The following CSMD3 variants were observed in gnomAD, a reference collection of about 807,000 sequenced individuals.
CSMD3 encodes CUB and Sushi multiple domains 3.
A neutral mutation model predicts 435.2 loss-of-function variants in CSMD3; 177 were observed. That is an observed-to-expected ratio of 0.41 (90% CI 0.36 to 0.46). The LOEUF (loss-of-function observed/expected upper bound fraction) is 0.46, where lower values mean the gene tolerates loss of function less well. CSMD3 is among the 20% of genes least tolerant of loss of function. The probability of loss-of-function intolerance (pLI) is 0.34; values close to 1 mark genes in which losing one functional copy is unlikely to be tolerated. For synonymous variants in CSMD3, 1,656 were observed against 1,520.5 expected (o/e 1.09, Z -2.07); for missense variants, 4,265 against 4,504.6 (o/e 0.95, Z 1.52).
chr8:113,163,232 T>C (rs1486113757), intron 4 of CSMD3, among the ~76,000 whole-genome samples: 1 of 152,068 alleles, frequency 6.6e-6, no homozygotes, highest in African/African-American at 2.4e-5. Context: ...GCCCAATAAT[T>C]TTTTTGAAGT....
intron 49 of CSMD3, among the ~76,000 whole-genome samples, chr8:112,312,437 G>A (rs1222625816): frequency 1.3e-5 from 2 of 151,958 alleles, no homozygotes; most frequent in African/African-American, 4.8e-5. Context: ...TGTATTTTTA[G>A]TAGAGAGGGG....
chr8:113,434,918 A>G (rs1300872416), intron 1 of CSMD3, among the ~76,000 whole-genome samples: 1 of 152,090 alleles, frequency 6.6e-6, no homozygotes, highest in Non-Finnish European at 1.5e-5. Context: ...CTCAACAGGT[A>G]TCACATGAAA....
intron 35 of CSMD3, among the ~76,000 whole-genome samples, chr8:112,393,333 T>A (rs1274747341): frequency 2.0e-5 from 3 of 152,180 alleles, no homozygotes; most frequent in African/African-American, 7.2e-5. Flanking sequence ...GTCACTTGAT[T>A]TGTCCCCTTC....
intron 25 of CSMD3, 36 bp downstream of exon 25, chr8:112,556,727 A>G (rs755301557): frequency 4.6e-6 from 7 of 1,517,104 alleles, no homozygotes; most frequent in African/African-American, 1.4e-5. Context: ...AAGTTTTCAC[A>G]GAAATATTCA....
At chr8:112,908,410 T>G (rs1175534193) in intron 10 of CSMD3, among the ~76,000 whole-genome samples, 2 of 151,524 alleles carry the variant, frequency 1.3e-5, no homozygotes, top group Non-Finnish European at 3.0e-5. Context: ...GGCTTATATC[T>G]TTATAACTTT....
intron 27 of CSMD3, among the ~76,000 whole-genome samples, chr8:112,537,561 C>A (rs1168660950): frequency 6.6e-6 from 1 of 151,640 alleles, no homozygotes. Context: ...AAAACTGATA[C>A]CACAGAAACA....
intron 4 of CSMD3, among the ~76,000 whole-genome samples, 154 bp from the exon 5 acceptor site, chr8:113,099,117 A>C (rs1168351043): frequency 6.6e-6 from 1 of 151,976 alleles, no homozygotes; most frequent in Non-Finnish European, 1.5e-5. Flanking sequence ...ATAAAATGAG[A>C]ATTTTATGAA....
intron 1 of CSMD3, among the ~76,000 whole-genome samples, chr8:113,417,174 A>C (rs1455727001): frequency 6.6e-6 from 1 of 152,010 alleles, no homozygotes; most frequent in Non-Finnish European, 1.5e-5. Flanking sequence ...CCTCCAAAAG[A>C]ATCTCATGCC....
intron 32 of CSMD3, among the ~76,000 whole-genome samples, chr8:112,412,114 C>G (rs1811416477): frequency 6.6e-6 from 1 of 152,018 alleles, no homozygotes; most frequent in Non-Finnish European, 1.5e-5. Flanking sequence ...TATTTGAATT[C>G]TCCTTTGAAC....
At chr8:112,939,575 C>T (rs1457891955) in intron 9 of CSMD3, among the ~76,000 whole-genome samples, 1 of 151,940 alleles carries the variant, frequency 6.6e-6, no homozygotes, top group East Asian at 1.9e-4. Context: ...TTCCAAATCC[C>T]ACGCTTTTAC....
chr8:112,461,726 G>C (rs1425326755), intron 32 of CSMD3, among the ~76,000 whole-genome samples: 1 of 152,080 alleles, frequency 6.6e-6, no homozygotes, highest in Non-Finnish European at 1.5e-5. Context: ...TTAAAAAAGA[G>C]AAAAGAAGAA....
intron 28 of CSMD3, among the ~76,000 whole-genome samples, chr8:112,515,910 C>T (rs1437347530): frequency 6.6e-6 from 1 of 151,670 alleles, no homozygotes; most frequent in Admixed American, 6.6e-5. Context: ...ACTTTTCTGT[C>T]TTGTTTTATT....
intron 17 of CSMD3, among the ~76,000 whole-genome samples, chr8:112,663,637 A>T (rs1202290510): frequency 7.3e-6 from 1 of 136,828 alleles, no homozygotes; most frequent in Non-Finnish European, 1.6e-5. Context: ...AAAGTATAAT[A>T]AAAAAAAAAT....
chr8:112,510,229 G>A (rs560394975), intron 28 of CSMD3, among the ~76,000 whole-genome samples: 8 of 152,012 alleles, frequency 5.3e-5, no homozygotes, highest in Non-Finnish European at 1.0e-4. Context: ...TTTTTCCTCA[G>A]TGAAAACATC....
chr8:112,310,872 T>C, intron 50 of CSMD3, 106 bp downstream of exon 50: 2 of 900,358 alleles, frequency 2.2e-6, no homozygotes, highest in Non-Finnish European at 1.8e-6. Context: ...CACAATATGC[T>C]TCCGAATATT....
intron 15 of CSMD3, among the ~76,000 whole-genome samples, chr8:112,684,383 C>T (rs2131797547): frequency 6.6e-6 from 1 of 152,074 alleles, no homozygotes; most frequent in Admixed American, 6.5e-5. Context: ...CTTTGTCTGC[C>T]AAAGCTTAAC....
intron 13 of CSMD3, among the ~76,000 whole-genome samples, chr8:112,779,729 T>TA (rs1203417795): frequency 1.3e-5 from 2 of 152,078 alleles, no homozygotes; most frequent in East Asian, 3.9e-4. Context: ...TCTAAAATTC[T>TA]AAATTCTAAA....
At chr8:112,259,784 G>A (rs79428768) in intron 61 of CSMD3, among the ~76,000 whole-genome samples, 1 of 152,118 alleles carries the variant, frequency 6.6e-6, no homozygotes, top group Non-Finnish European at 1.5e-5. Flanking sequence ...CAGGGACACT[G>A]TCTTATTAAT....
intron 50 of CSMD3, among the ~76,000 whole-genome samples, chr8:112,308,464 C>A (rs773283083): frequency 5.9e-5 from 9 of 151,814 alleles, no homozygotes; most frequent in East Asian, 1.9e-4. Flanking sequence ...AATTCCTGTG[C>A]CTATGGATAG....
Sources: allele counts gnomAD v4.1 joint callset (sites outside exome capture counted in the v4.1 genomes callset), GRCh38; gene constraint gnomAD v4.1.1; transcripts MANE v1.5; gene names NCBI Gene and HGNC (gene_info 2026-07-23, HGNC 2026-07-21).